The following ZNF347 variants were observed in gnomAD, a reference collection of about 807,000 sequenced individuals.
ZNF347 encodes CTD-2620I22.7.
ZNF347 carries 19 observed loss-of-function variants against 12.9 expected under a neutral mutation model. The observed-to-expected ratio is 1.47, with a 90% CI of 1.03 to 2.16. The LOEUF (loss-of-function observed/expected upper bound fraction) is 2.16. Among genes scored for constraint, ZNF347 ranks in the 30% most tolerant of loss-of-function variants. ZNF347 has a pLI of 0.00. For missense variants in ZNF347, 1,005 were observed against 990.6 expected (o/e 1.01, Z -0.19); for synonymous variants, 328 against 340.6 (o/e 0.96, Z 0.41).
At chr19:53,146,128 C>A (rs6509727) in intron 4 of ZNF347, among the ~76,000 whole-genome samples, 132,463 of 151,964 alleles carry the variant, frequency 0.87, 57,754 homozygotes, top group Admixed American at 0.9. Context: ...GGCATGTGCC[C>A]CCACGCCCGG....
chr19:53,156,770 C>T (rs540264995), intron 1 of ZNF347, among the ~76,000 whole-genome samples: 8 of 152,264 alleles, frequency 5.3e-5, no homozygotes, highest in South Asian at 2.1e-4. Context: ...CAGGTACCAA[C>T]GGGAGACTTA....
intron 4 of ZNF347, among the ~76,000 whole-genome samples, chr19:53,145,395 C>CT (rs527465408): frequency 0.027 from 3,684 of 138,276 alleles, 61 homozygotes; most frequent in Admixed American, 0.046. Flanking sequence ...TAAAACATTT[C>CT]TTTTTTTTTT....
Position 53,137,596 on chromosome 19 carries a change from A to G in ZNF347, c.*2712T>C, listed in dbSNP as rs144934676. On this transcript the variant is annotated 3_prime_UTR_variant, in exon 5 of 5. Coordinates refer to ENST00000334197, the MANE Select transcript of ZNF347 (RefSeq NM_032584.3). The stretch of plus-strand genomic sequence containing the variant: ...TAAACCAAACTGTAAATGGAGTTCA[A>G]TACACTTCCTGTGGAGAGGTGACAA... 1.0e-3 allele frequency: 158 copies of G among 152,286 alleles called. No individual in the cohort carries two copies. The highest frequency in any genetic ancestry group is 3.5e-3 in the African/African-American group (147 of 41,552). 9.4% of individuals were successfully genotyped at this position (152,286 alleles called of 1,614,324 possible).
Position 53,140,446 on chromosome 19 carries a change from C to A in ZNF347, c.2382G>T (p.Glu794Asp), listed in dbSNP as rs1297730335. The change falls in exon 5 of 5, where the codon GAG becomes GAT. Residue 794 changes from glutamate (E) to aspartate (D), a missense_variant. Glu to Asp is a conservative substitution (Grantham distance 45, BLOSUM62 2). Coordinates refer to ENST00000334197, the MANE Select transcript of ZNF347 (RefSeq NM_032584.3). ...QRIHTGEKPY[E>D]CGKPFSICSS... ...AACAGATACTAAAGGGTTTCCCACA[C>A]TCATATGGTTTCTCTCCGGTATGAA... The A allele has an allele frequency of 6.2e-7, 1 of 1,614,076 alleles. No individual in the cohort carries two copies.
chr19:53,155,766 T>A (rs369788316), intron 1 of ZNF347, among the ~76,000 whole-genome samples: 54 of 152,278 alleles, frequency 3.5e-4, no homozygotes, highest in African/African-American at 1.3e-3. Context: ...CATATTGTCC[T>A]GAGACTGTGA....
chr19:53,153,784 A>G lies in ZNF347; in HGVS notation c.-37T>C, dbSNP rs2090514092. On this transcript the variant is annotated 5_prime_UTR_variant, in exon 2 of 5. Coordinates refer to ENST00000334197, the MANE Select transcript of ZNF347 (RefSeq NM_032584.3). ...CTTTCTTTCCTCTTCCTCTTCTTCA[A>G]GGGTTCTTCCTTAGGTAACAGGAAA... 6.2e-7 allele frequency: 1 copy of G among 1,614,006 alleles called. No individual in the cohort carries two copies. The highest frequency in any genetic ancestry group is 8.5e-7 in the Non-Finnish European group (1 of 1,179,898).
At chr19:53,151,164 T>C (rs1028637121) in intron 2 of ZNF347, among the ~76,000 whole-genome samples, 1 of 152,114 alleles carries the variant, frequency 6.6e-6, no homozygotes, top group Non-Finnish European at 1.5e-5. Context: ...TCTAAGAAAC[T>C]TGCGTCAAGA....
Position 53,141,475 on chromosome 19 carries a change from G to C in ZNF347, c.1353C>G (p.His451Gln). 1 of 1,613,352 alleles carries C rather than the reference G, an allele frequency of 6.2e-7. No homozygotes were observed. The highest frequency in any genetic ancestry group is 2.2e-5 in the East Asian group (1 of 44,804). Reference protein sequence around the residue: ...RSSLAIHLVIHTGEKPYKCHE... With the variant: ...RSSLAIHLVIQTGEKPYKCHE... Reference sequence around the variant, plus strand: ...GACATTTGTAAGGCTTTTCTCCGGTGTGAATTACCAGATGAATAGCTAGGC... The same window carrying C: ...GACATTTGTAAGGCTTTTCTCCGGTCTGAATTACCAGATGAATAGCTAGGC... Residue 451 changes from histidine (H) to glutamine (Q), a missense_variant, in exon 5 of 5, where the codon CAC becomes CAG. Transcript: ENST00000334197.
At chr19:53,151,167 C>T (rs953034666) in intron 2 of ZNF347, among the ~76,000 whole-genome samples, 3 of 152,130 alleles carry the variant, frequency 2.0e-5, no homozygotes, top group Non-Finnish European at 4.4e-5. Context: ...AAGAAACTTG[C>T]GTCAAGACAA....
intron 4 of ZNF347, among the ~76,000 whole-genome samples, chr19:53,147,102 C>T (rs539953893): frequency 4.6e-5 from 7 of 151,914 alleles, no homozygotes; most frequent in South Asian, 2.1e-4. Context: ...TGGCCAGGCA[C>T]GGTGGCTCAC....
Position 53,137,900 on chromosome 19 carries a change from G to A in ZNF347, c.*2408C>T, listed in dbSNP as rs780393302. The A allele has an allele frequency of 6.6e-6, 1 of 151,752 alleles. No homozygotes were observed. The highest frequency in any genetic ancestry group is 1.5e-5 in the Non-Finnish European group (1 of 67,980). The allele number at this position is 151,752 out of a possible 1,614,324, so 9.4% of individuals were successfully genotyped here. A position where few individuals can be genotyped will look rare whatever the true frequency, so the allele number is the denominator to read the frequency against. ...TGCAACCTCCACCTCCTGGGTTCAA[G>A]TGATTCTCCTGCCTCAGCCTCCCGA... On this transcript the variant is annotated 3_prime_UTR_variant, in exon 5 of 5. Coordinates refer to ENST00000334197, the MANE Select transcript of ZNF347 (RefSeq NM_032584.3).
chr19:53,153,535 C>A (rs1373755355), intron 2 of ZNF347, among the ~76,000 whole-genome samples, 198 bp downstream of exon 2: 1 of 152,132 alleles, frequency 6.6e-6, no homozygotes, highest in Admixed American at 6.5e-5. Flanking sequence ...CCCAGTGCAG[C>A]CTCTTCCCAA....
chr19:53,140,386 A>G lies in ZNF347; in HGVS notation c.2442T>C (p.Gly814=). 1 of 1,609,940 alleles carries G rather than the reference A, an allele frequency of 6.2e-7. No homozygotes were observed. Among genetic ancestry groups the G allele is most frequent in the Non-Finnish European group, 8.5e-7 (1 of 1,178,338 alleles). ...SLTTHQTIHT[G]GKPYKCNVWK... is the part of the protein sequence containing the mutation. ...ACACGTTACATTTGTAAGGTTTCCC[A>G]CCAGTATGGATTGTCTGATGGGTAG... Residue 814 remains glycine (G), a synonymous_variant, in exon 5 of 5, where the codon GGT becomes GGC. Transcript: ENST00000334197.
At chr19:53,153,821 A>G (rs531393756) in intron 1 of ZNF347, 28 bp from the exon 2 acceptor site, 2 of 1,582,196 alleles carry the variant, frequency 1.3e-6, no homozygotes, top group Admixed American at 1.7e-5. Context: ...TGCCTTTAGA[A>G]GTCAATATTG....
At chr19:53,153,582 T>G (rs1189678776) in intron 2 of ZNF347, 151 bp downstream of exon 2, 2 of 1,442,596 alleles carry the variant, frequency 1.4e-6, no homozygotes, top group African/African-American at 1.4e-5. Context: ...GGAATCTAAG[T>G]GAGATGAGAG....
intron 1 of ZNF347, among the ~76,000 whole-genome samples, chr19:53,154,303 G>T (rs1440977327): frequency 6.6e-6 from 1 of 151,814 alleles, no homozygotes; most frequent in Non-Finnish European, 1.5e-5. Context: ...ACAACATAGT[G>T]AGACCCCATT....
At chr19:53,150,946 A>C (rs2090493438) in intron 2 of ZNF347, among the ~76,000 whole-genome samples, 1 of 152,008 alleles carries the variant, frequency 6.6e-6, no homozygotes, top group Non-Finnish European at 1.5e-5. Context: ...CACCATGTTG[A>C]CCAGGCTAGT....
At chr19:53,153,414 T>C (rs1313572727) in intron 2 of ZNF347, among the ~76,000 whole-genome samples, 1 of 152,024 alleles carries the variant, frequency 6.6e-6, no homozygotes, top group Non-Finnish European at 1.5e-5. Context: ...GAGCTGACAG[T>C]GCATCCAGAT....
chr19:53,141,100 C>T lies in ZNF347; in HGVS notation c.1728G>A (p.Lys576=), dbSNP rs747728679. 3 of 1,613,792 alleles carry T rather than the reference C, an allele frequency of 1.9e-6. No homozygotes were observed. The highest frequency in any genetic ancestry group is 2.5e-6 in the Non-Finnish European group (3 of 1,179,926). ...CAAGGTGTGAATTCTGAGTGAAGAC[C>T]TTGCCACACTCATTACATTTGTAAG... The part of the protein sequence containing the change: ...EKPYKCNECG[K]VFTQNSHLAR... Residue 576 remains lysine, a synonymous_variant, in exon 5 of 5, where the codon AAG becomes AAA. Transcript: ENST00000334197.
Sources: allele counts gnomAD v4.1 joint callset (sites outside exome capture counted in the v4.1 genomes callset), GRCh38; gene constraint gnomAD v4.1.1; transcripts MANE v1.5; gene names NCBI Gene and HGNC (gene_info 2026-07-23, HGNC 2026-07-21).